Variants in PCDH15 observed in about 807,000 individuals in gnomAD.
PCDH15 encodes the protein protocadherin-15.
In PCDH15, 129 loss-of-function variants were observed where a neutral mutation model predicts 178.5. The observed-to-expected ratio is 0.72, with a 90% confidence interval of 0.63 to 0.84. PCDH15 has a LOEUF of 0.84. Ranked by LOEUF, PCDH15 falls within the 40% of genes least tolerant of loss-of-function variation. PCDH15 has a pLI of 0.00. For synonymous variants in PCDH15, 800 were observed against 732.0 expected (o/e 1.09, Z -1.50); for missense variants, 2,230 against 2,099.9 (o/e 1.06, Z -1.21).
At chr10:54,794,624 C>T (rs895545895) in intron 1 of PCDH15, among the ~76,000 whole-genome samples, 1 of 151,830 alleles carries the variant, frequency 6.6e-6, no homozygotes, top group Non-Finnish European at 1.5e-5. Context: ...GCTTCATGCA[C>T]ACACATTCAG....
intron 8 of PCDH15, among the ~76,000 whole-genome samples, chr10:54,267,934 A>T (rs2057796710): frequency 6.6e-6 from 1 of 151,900 alleles, no homozygotes; most frequent in Non-Finnish European, 1.5e-5. Context: ...TTGATTCTAA[A>T]ATTTATATTT....
intron 3 of PCDH15, among the ~76,000 whole-genome samples, chr10:54,456,912 T>C (rs2076859996): frequency 6.6e-6 from 1 of 152,078 alleles, no homozygotes; most frequent in East Asian, 1.9e-4. Flanking sequence ...GAAGGACATG[T>C]TTACTTCCCC....
chr10:54,186,098 T>C (rs1452274081), intron 11 of PCDH15, among the ~76,000 whole-genome samples: 1 of 151,884 alleles, frequency 6.6e-6, no homozygotes, highest in Non-Finnish European at 1.5e-5. Flanking sequence ...CACTGATGTC[T>C]GCATAGTAGG....
At chr10:54,609,963 A>G (rs1326572700) in intron 2 of PCDH15, among the ~76,000 whole-genome samples, 1 of 152,034 alleles carries the variant, frequency 6.6e-6, no homozygotes, top group Non-Finnish European at 1.5e-5. Flanking sequence ...TGTAAAATAA[A>G]ACATTAAATT....
At chr10:55,424,119 G>A (rs1385232102) in intron 2 of PCDH15, among the ~76,000 whole-genome samples, 2 of 152,080 alleles carry the variant, frequency 1.3e-5, no homozygotes, top group Admixed American at 6.6e-5. Flanking sequence ...ACAAGAAAAT[G>A]TATGAGAAGA....
chr10:54,355,750 G>C (rs1588999689), intron 5 of PCDH15, among the ~76,000 whole-genome samples: 1 of 151,958 alleles, frequency 6.6e-6, no homozygotes, highest in Non-Finnish European at 1.5e-5. Flanking sequence ...AATTATTACT[G>C]TCAGAAAAAA....
chr10:54,714,555 A>G (rs996198804), intron 1 of PCDH15, among the ~76,000 whole-genome samples: 5 of 152,160 alleles, frequency 3.3e-5, no homozygotes, highest in African/African-American at 1.2e-4. Flanking sequence ...ATAACTTTCA[A>G]AAAGATCCAT....
intron 23 of PCDH15, among the ~76,000 whole-genome samples, chr10:53,955,690 A>G (rs972432032): frequency 1.3e-5 from 2 of 152,124 alleles, no homozygotes; most frequent in Admixed American, 1.3e-4. Context: ...TCATTTTTAT[A>G]TTTCCCCCAA....
chr10:55,022,173 C>A (rs998983001), intron 2 of PCDH15, among the ~76,000 whole-genome samples: 1 of 151,840 alleles, frequency 6.6e-6, no homozygotes, highest in African/African-American at 2.4e-5. Context: ...AAAATGTAGG[C>A]CGGGCTCGGT....
At chr10:54,038,748 C>T (rs530869768) in intron 18 of PCDH15, among the ~76,000 whole-genome samples, 11 of 151,968 alleles carry the variant, frequency 7.2e-5, no homozygotes, top group Non-Finnish European at 1.3e-4. Context: ...ATCTGCTTGG[C>T]ACACAGTCTT....
At chr10:55,033,613 A>T (rs917446921) in intron 2 of PCDH15, among the ~76,000 whole-genome samples, 35 of 152,166 alleles carry the variant, frequency 2.3e-4, no homozygotes, top group African/African-American at 8.0e-4. Context: ...GCTGGAGAAC[A>T]ATTTACCCCA....
intron 2 of PCDH15, among the ~76,000 whole-genome samples, chr10:55,067,637 A>ATT (rs199554150): frequency 0.032 from 4,512 of 141,996 alleles, 122 homozygotes; most frequent in South Asian, 0.058. Flanking sequence ...TGATAGTTCT[A>ATT]TTTTTTTTTT....
intron 3 of PCDH15, among the ~76,000 whole-genome samples, chr10:54,411,588 A>T (rs970440197): frequency 6.6e-6 from 1 of 152,196 alleles, no homozygotes; most frequent in African/African-American, 2.4e-5. Flanking sequence ...GATAAGCTAC[A>T]GATATGTCTT....
intron 18 of PCDH15, among the ~76,000 whole-genome samples, chr10:54,054,095 G>A (rs769206408): frequency 2.0e-5 from 3 of 152,036 alleles, no homozygotes; most frequent in South Asian, 2.1e-4. Context: ...TGGGGAAGAC[G>A]AAAATAAGAC....
intron 3 of PCDH15, among the ~76,000 whole-genome samples, chr10:54,449,977 G>A (rs887062920): frequency 4.0e-5 from 6 of 151,552 alleles, no homozygotes. Context: ...CATCAGTATA[G>A]AGAGTTCTTG....
rs140611928 is a variant in PCDH15 at position 55,380,304 on chromosome 10, C to A, written c.-155-213653G>T. On this transcript the variant is annotated intron_variant, in intron 2 of 5. Coordinates refer to the PCDH15 transcript ENST00000613346. The stretch of plus-strand genomic sequence containing the variant: ...TATGTGAAAACATTGGTTTTTAAGT[C>A]ATAGTTTGAAGAATTTAAGAACTCT... Among the ~76,000 whole-genome samples, 362 of 152,184 alleles carry A rather than the reference C, an allele frequency of 2.4e-3. 13 individuals carry two copies. In the East Asian group the frequency reaches 0.045, roughly 19 times the overall value.
intron 18 of PCDH15, among the ~76,000 whole-genome samples, chr10:54,025,940 T>G (rs577180614): frequency 6.6e-6 from 1 of 152,324 alleles, no homozygotes; most frequent in Non-Finnish European, 1.5e-5. Flanking sequence ...GATTACATTA[T>G]GCTCCCTTGG....
At chr10:54,960,804 G>A (rs1480132183) in intron 2 of PCDH15, among the ~76,000 whole-genome samples, 2 of 152,102 alleles carry the variant, frequency 1.3e-5, no homozygotes, top group African/African-American at 4.8e-5. Context: ...GATACATTGA[G>A]CCAATTTTCC....
intron 2 of PCDH15, among the ~76,000 whole-genome samples, chr10:54,929,944 G>A (rs559268009): frequency 8.5e-5 from 13 of 152,236 alleles, no homozygotes; most frequent in East Asian, 7.7e-4. Flanking sequence ...GAAGTCTTCC[G>A]TGAAGTTTAC....
Sources: gnomAD v4.1 joint callset for allele counts (sites outside exome capture counted in the v4.1 genomes callset) on GRCh38, gnomAD v4.1.1 for gene constraint, MANE v1.5 for transcripts, NCBI Gene and HGNC (gene_info 2026-07-23, HGNC 2026-07-21) for gene names.